The following RNASET2 variants were observed in gnomAD, a reference collection of about 807,000 sequenced individuals.
RNASET2 encodes ribonuclease 6.
A neutral mutation model predicts 33.9 loss-of-function variants in RNASET2; 28 were observed. That is an observed-to-expected ratio of 0.83 (90% CI 0.61 to 1.13). The LOEUF (loss-of-function observed/expected upper bound fraction) is 1.13. RNASET2 is among the 50% of genes most tolerant of loss of function. The pLI is 0.00. For synonymous variants in RNASET2, 123 were observed against 121.0 expected (o/e 1.02, Z -0.11); for missense variants, 330 against 319.9 (o/e 1.03, Z -0.24).
At chr6:166,955,956 G>T in intron 1 of RNASET2, 141 bp downstream of exon 1, 1 of 1,079,562 alleles carries the variant, frequency 9.3e-7, no homozygotes, top group Non-Finnish European at 1.4e-6. Flanking sequence ...TCACCCCGGA[G>T]CGTGCTCGGC....
At position 166,956,184 on chromosome 6, in the gene RNASET2, G is replaced by A; in HGVS notation, c.-2C>T. On this transcript the variant is annotated 5_prime_UTR_variant, in exon 1 of 9. Coordinates refer to ENST00000508775, the MANE Select transcript of RNASET2 (RefSeq NM_003730.6). Reference sequence around the variant, plus strand: ...CCCGCGCAGGGCTGCAGGGCGCATGGTGCCGACCTGCGGAGAGAACGCTGC... The same window carrying A: ...CCCGCGCAGGGCTGCAGGGCGCATGATGCCGACCTGCGGAGAGAACGCTGC... The A allele has an allele frequency of 6.5e-7, 1 of 1,548,556 alleles. No individual in the cohort carries two copies. Among genetic ancestry groups the A allele is most frequent in the Non-Finnish European group, 8.7e-7 (1 of 1,145,996 alleles).
rs1779161503 is a variant in RNASET2 at position 166,956,177 on chromosome 6, G to A, written c.6C>T (p.Arg2=). 1 of 1,548,254 alleles carries A rather than the reference G, an allele frequency of 6.5e-7. No individual in the cohort carries two copies. The change falls in exon 1 of 9, where the codon CGC becomes CGT. Residue 2 remains arginine, a synonymous_variant. Coordinates refer to ENST00000508775, the MANE Select transcript of RNASET2 (RefSeq NM_003730.6). M[R]PAALRGALLG... ...GCAGGGCCCCGCGCAGGGCTGCAGG[G>A]CGCATGGTGCCGACCTGCGGAGAGA...
intron 6 of RNASET2, among the ~76,000 whole-genome samples, chr6:166,938,000 A>G (rs1180682488): frequency 6.6e-6 from 1 of 152,240 alleles, no homozygotes; most frequent in Non-Finnish European, 1.5e-5. Flanking sequence ...GCACATGTCT[A>G]GATAAGCAAT....
In RNASET2 at chr6:166,928,749, G is replaced by A. The variant is rs1359014533; in HGVS notation, c.*839C>T. On this transcript the variant is annotated 3_prime_UTR_variant, in exon 9 of 9. Transcript: ENST00000508775. ...AATCCCTGCACGGCAGGCCGAGAGC[G>A]TGGGTGCAGCAGTCTGCCTGACGTG... is the stretch of plus-strand genomic sequence containing the variant. 6.6e-6 allele frequency among the ~76,000 whole-genome samples: 1 copy of A among 152,218 alleles called. No individual in the cohort carries two copies. The highest frequency in any genetic ancestry group is 1.5e-5 in the Non-Finnish European group (1 of 68,040).
At position 166,929,601 on chromosome 6, in the gene RNASET2, T is replaced by G; in HGVS notation, c.758A>C (p.Lys253Thr). The change falls in exon 9 of 9, where the codon AAG becomes ACG. Residue 253 changes from lysine (K) to threonine (T), a missense_variant. Coordinates refer to ENST00000508775, the MANE Select transcript of RNASET2 (RefSeq NM_003730.6). Reference protein sequence around the residue: ...DGPVFYPPPKKTKH With the variant: ...DGPVFYPPPKTTKH ...AAAACTTGGGCATCAATGCTTGGTC[T>G]TTTTAGGTGGGGGATAGAAGACTGG... 6.2e-7 allele frequency: 1 copy of G among 1,614,130 alleles called. No individual in the cohort carries two copies. Among genetic ancestry groups the G allele is most frequent in the Non-Finnish European group, 8.5e-7 (1 of 1,179,966 alleles).
In RNASET2 at chr6:166,956,345, A is replaced by C. The variant is rs1319258901; in HGVS notation, c.-163T>G. Reference sequence around the variant, plus strand: ...CACCGGGTGCGCCCGGAGCCCTGGGACGGCCTAAACCAGTATCTCGCGGGC... The same window carrying C: ...CACCGGGTGCGCCCGGAGCCCTGGGCCGGCCTAAACCAGTATCTCGCGGGC... On this transcript the variant is annotated 5_prime_UTR_variant, in exon 1 of 9. Coordinates refer to ENST00000508775, the MANE Select transcript of RNASET2 (RefSeq NM_003730.6). 17 of 690,596 alleles carry C rather than the reference A, an allele frequency of 2.5e-5. No homozygotes were observed. The highest frequency in any genetic ancestry group is 4.3e-5 in the Non-Finnish European group (17 of 393,722). The allele number at this position is 690,596 out of a possible 1,614,324, so 42.8% of individuals were successfully genotyped here.
chr6:166,946,392 G>A (rs1396414405), intron 4 of RNASET2, among the ~76,000 whole-genome samples: 1 of 152,248 alleles, frequency 6.6e-6, no homozygotes, highest in African/African-American at 2.4e-5. Flanking sequence ...GATCTGCACA[G>A]GTCTGGCATG....
chr6:166,944,890 C>A (rs1025498333), intron 4 of RNASET2, among the ~76,000 whole-genome samples: 40 of 151,882 alleles, frequency 2.6e-4, no homozygotes, highest in African/African-American at 9.2e-4. Context: ...TCAGCGCTGT[C>A]CCCTTAGCCC....
rs2128648797 is a variant in RNASET2 at position 166,956,351 on chromosome 6, T to C, written c.-169A>G. On this transcript the variant is annotated 5_prime_UTR_variant, in exon 1 of 9. Transcript: ENST00000508775. ...GTGCGCCCGGAGCCCTGGGACGGCC[T>C]AAACCAGTATCTCGCGGGCCCCGCG... 3.1e-6 allele frequency: 2 copies of C among 639,880 alleles called. No individual in the cohort carries two copies. The highest frequency in any genetic ancestry group is 2.8e-6 in the Non-Finnish European group (1 of 363,622). 39.6% of individuals were successfully genotyped at this position (639,880 alleles called of 1,614,324 possible). A position where few individuals can be genotyped will look rare whatever the true frequency, so the allele number is the denominator to read the frequency against.
chr6:166,935,495 T>C (rs1778545512), intron 6 of RNASET2, among the ~76,000 whole-genome samples: 1 of 152,104 alleles, frequency 6.6e-6, no homozygotes, highest in South Asian at 2.1e-4. Flanking sequence ...GCATCATGCT[T>C]TCTGCTGAGT....
chr6:166,942,974 C>A lies in RNASET2; in HGVS notation c.332+45G>T, dbSNP rs577759868. ...TAGCGATTCATCACGCTCCCCACAC[C>A]CGCTCAGACAGTAATCAAGACAGCA... On this transcript the variant is annotated intron_variant, in intron 5 of 8. Transcript: ENST00000508775. 4.6e-6 allele frequency: 7 copies of A among 1,515,894 alleles called. No homozygotes were observed. The African/African-American group carries it at 8.2e-5, about 18-fold the overall frequency. 93.9% of individuals were successfully genotyped at this position (1,515,894 alleles called of 1,614,324 possible).
intron 6 of RNASET2, among the ~76,000 whole-genome samples, chr6:166,936,352 T>TGG (rs1234175024): frequency 1.3e-5 from 2 of 150,396 alleles, no homozygotes; most frequent in Non-Finnish European, 3.0e-5. Flanking sequence ...GCATGTGTCG[T>TGG]GTGTGTGTGT....
At chr6:166,956,011 G>A (rs1779155839) in intron 1 of RNASET2, 86 bp downstream of exon 1, 2 of 1,228,154 alleles carry the variant, frequency 1.6e-6, no homozygotes, top group South Asian at 1.3e-5. Flanking sequence ...AGCGACCGCC[G>A]ACCCCGAGAG....
chr6:166,955,271 G>A (rs1235971273), intron 1 of RNASET2, among the ~76,000 whole-genome samples: 10 of 88,018 alleles, frequency 1.1e-4, no homozygotes, highest in South Asian at 4.4e-4. Flanking sequence ...ACACACACAC[G>A]CGCACACACG....
Position 166,931,434 on chromosome 6 carries a change from C to A in RNASET2, c.493-316G>T. 6.9e-6 allele frequency: 3 copies of A among 435,588 alleles called. No homozygotes were observed. In the South Asian group the frequency reaches 6.9e-5, roughly 10 times the overall value. 27.0% of individuals were successfully genotyped at this position (435,588 alleles called of 1,614,324 possible). ...CCGAGCTGTCTCACCTGAAACGCCA[C>A]CTGCCACAGCCACCCTCATCCACCA... On this transcript the variant is annotated intron_variant, in intron 7 of 8. Transcript: ENST00000508775.
chr6:166,955,197 G>GCGCGCACA (rs1779083131), intron 1 of RNASET2, among the ~76,000 whole-genome samples: 1 of 119,074 alleles, frequency 8.4e-6, no homozygotes, highest in African/African-American at 3.7e-5. Flanking sequence ...ACGCACACAC[G>GCGCGCACA]CACGCACACA....
rs1403774820 is a variant in RNASET2, at chr6:166,955,871, T to C, written c.86+226A>G. 5.6e-6 allele frequency: 4 copies of C among 711,522 alleles called. No individual in the cohort carries two copies. The East Asian group carries it at 5.5e-4, about 97-fold the overall frequency. The allele number at this position is 711,522 out of a possible 1,614,324, so 44.1% of individuals were successfully genotyped here. On this transcript the variant is annotated intron_variant, in intron 1 of 8. Coordinates refer to ENST00000508775, the MANE Select transcript of RNASET2 (RefSeq NM_003730.6). ...TCCCAGAGGTCACTTCTGAGTGTGC[T>C]AAGGGCTCCCCCCAACCCACTCCCT...
chr6:166,943,180 A>AT, intron 4 of RNASET2, 91 bp from the exon 5 acceptor site: 1 of 863,882 alleles, frequency 1.2e-6, no homozygotes, highest in Non-Finnish European at 1.9e-6. Flanking sequence ...ACACCAAAGA[A>AT]TTGAGCTCTG....
At position 166,955,986 on chromosome 6, in the gene RNASET2, C is replaced by G. The variant is rs894798768; in HGVS notation, c.86+111G>C. ...CTCGGCTCCCCCCGCCCTCCCCAGT[C>G]GCTGCCCGGGGCTCAGCGACCGCCG... On this transcript the variant is annotated intron_variant, in intron 1 of 8. Coordinates refer to ENST00000508775, the MANE Select transcript of RNASET2 (RefSeq NM_003730.6). The G allele has an allele frequency of 5.8e-6, 7 of 1,200,042 alleles. No individual in the cohort carries two copies. The East Asian group carries it at 1.3e-4, about 22-fold the overall frequency. The allele number at this position is 1,200,042 out of a possible 1,614,324, so 74.3% of individuals were successfully genotyped here.
Sources: allele counts gnomAD v4.1 joint callset (sites outside exome capture counted in the v4.1 genomes callset), GRCh38; gene constraint gnomAD v4.1.1; transcripts MANE v1.5; gene names NCBI Gene and HGNC (gene_info 2026-07-23, HGNC 2026-07-21).